The following CDH8 variants were observed in gnomAD, a reference collection of about 807,000 sequenced individuals.
CDH8 encodes the protein cadherin 8.
In CDH8, 17 loss-of-function variants were observed where a neutral mutation model predicts 68.1. The observed-to-expected ratio is 0.25, with a 90% CI of 0.17 to 0.37. The LOEUF (loss-of-function observed/expected upper bound fraction) is 0.37. Ranked by LOEUF, CDH8 falls within the 10% of genes least tolerant of loss-of-function variation. The probability of loss-of-function intolerance (pLI) is 1.00; values close to 1 mark genes in which losing one functional copy is unlikely to be tolerated. For synonymous variants in CDH8, 372 were observed against 365.1 expected (o/e 1.02, Z -0.21); for missense variants, 763 against 999.3 (o/e 0.76, Z 3.19).
chr16:61,910,430 T>C (rs985902068), intron 2 of CDH8, among the ~76,000 whole-genome samples: 1 of 151,980 alleles, frequency 6.6e-6, no homozygotes, highest in African/African-American at 2.4e-5. Context: ...TTAAATCTTA[T>C]GGGCTTGGAA....
At chr16:61,890,504 A>T (rs966047922) in intron 3 of CDH8, among the ~76,000 whole-genome samples, 6 of 152,164 alleles carry the variant, frequency 3.9e-5, no homozygotes, top group Non-Finnish European at 8.8e-5. Context: ...GATGCCTATG[A>T]CTAAGAGATA....
At chr16:61,931,702 A>C (rs1198867902) in intron 2 of CDH8, among the ~76,000 whole-genome samples, 1 of 152,234 alleles carries the variant, frequency 6.6e-6, no homozygotes, top group Admixed American at 6.5e-5. Flanking sequence ...AATGTTACAT[A>C]AAAGTAACAT....
intron 2 of CDH8, among the ~76,000 whole-genome samples, chr16:62,016,936 C>T (rs1348131303): frequency 2.6e-5 from 4 of 152,086 alleles, no homozygotes; most frequent in Non-Finnish European, 4.4e-5. Context: ...TTTCTTCATG[C>T]CCACTACCTC....
At chr16:61,803,636 T>C (rs1374709169) in intron 7 of CDH8, among the ~76,000 whole-genome samples, 1 of 150,368 alleles carries the variant, frequency 6.7e-6, no homozygotes, top group Non-Finnish European at 1.5e-5. Flanking sequence ...ACCAAGGAAA[T>C]GGAAAACAAA....
intron 3 of CDH8, among the ~76,000 whole-genome samples, chr16:61,866,581 T>C (rs1425233106): frequency 9.4e-6 from 1 of 106,144 alleles, no homozygotes; most frequent in Non-Finnish European, 2.2e-5. Flanking sequence ...TGTGTGTGTG[T>C]ATATATATAT....
At chr16:61,984,881 A>G (rs1199643501) in intron 2 of CDH8, among the ~76,000 whole-genome samples, 1 of 152,070 alleles carries the variant, frequency 6.6e-6, no homozygotes, top group African/African-American at 2.4e-5. Context: ...CATATAGATA[A>G]TTTTCCCTGA....
intron 2 of CDH8, among the ~76,000 whole-genome samples, chr16:61,941,689 C>G (rs976161591): frequency 1.3e-5 from 2 of 152,162 alleles, no homozygotes; most frequent in Non-Finnish European, 2.9e-5. Context: ...TGATCCACCC[C>G]CCTTGCCCTC....
At chr16:61,679,132 A>G (rs1475924145) in intron 10 of CDH8, among the ~76,000 whole-genome samples, 1 of 152,044 alleles carries the variant, frequency 6.6e-6, no homozygotes, top group Non-Finnish European at 1.5e-5. Context: ...CTAAAGATTT[A>G]ATAAAAGCAA....
intron 2 of CDH8, among the ~76,000 whole-genome samples, chr16:61,956,832 A>G (rs1597088935): frequency 1.3e-5 from 2 of 152,148 alleles, no homozygotes; most frequent in South Asian, 4.1e-4. Flanking sequence ...TAGGTGGTCT[A>G]GTTTGTAGGG....
intron 10 of CDH8, among the ~76,000 whole-genome samples, chr16:61,678,867 T>C (rs548281944): frequency 6.6e-6 from 1 of 152,182 alleles, no homozygotes; most frequent in East Asian, 1.9e-4. Context: ...CCACTTTTCA[T>C]AAGGAGCTGT....
rs568731134 is a variant in CDH8 at position 61,673,359 on chromosome 16, A to G, written c.1655-17638T>C. On this transcript the variant is annotated intron_variant, in intron 10 of 11. Coordinates refer to ENST00000577390, the MANE Select transcript of CDH8 (RefSeq NM_001796.5). Reference sequence around the variant, plus strand: ...TAGTGTCCTCTAGGAAATTGTATCCATGTCACTTCAGAATACATTTCATTC... The same window carrying G: ...TAGTGTCCTCTAGGAAATTGTATCCGTGTCACTTCAGAATACATTTCATTC... 1.1e-4 allele frequency among the ~76,000 whole-genome samples: 17 copies of G among 152,258 alleles called. No individual in the cohort carries two copies. In the East Asian group the frequency reaches 3.3e-3, roughly 29 times the overall value.
At chr16:61,730,908 C>G (rs1959516108) in intron 8 of CDH8, among the ~76,000 whole-genome samples, 1 of 151,444 alleles carries the variant, frequency 6.6e-6, no homozygotes, top group Non-Finnish European at 1.5e-5. Flanking sequence ...TACATGATAG[C>G]CTGAGGAACT....
chr16:61,673,273 A>G (rs1383290182), intron 10 of CDH8, among the ~76,000 whole-genome samples: 1 of 152,112 alleles, frequency 6.6e-6, no homozygotes, highest in African/African-American at 2.4e-5. Flanking sequence ...TCTTCCTCAC[A>G]GAATTCTTAC....
At chr16:61,982,369 G>A (rs1055870615) in intron 2 of CDH8, among the ~76,000 whole-genome samples, 2 of 151,970 alleles carry the variant, frequency 1.3e-5, no homozygotes, top group Non-Finnish European at 2.9e-5. Context: ...ACAGGCGCCC[G>A]CCACCTCGCC....
In CDH8 at chr16:61,652,887, G is replaced by C; in HGVS notation, c.*721C>G. The stretch of plus-strand genomic sequence containing the variant: ...GAAGAAGATGAAGAGGAGGGAACGA[G>C]GAATCCTGCTTCTAGAAAACAAGCA... On this transcript the variant is annotated 3_prime_UTR_variant, in exon 12 of 12. Coordinates refer to ENST00000577390, the MANE Select transcript of CDH8 (RefSeq NM_001796.5). The C allele has an allele frequency of 3.9e-6, 6 of 1,525,226 alleles. No homozygotes were observed. Among genetic ancestry groups the C allele is most frequent in the Non-Finnish European group, 5.3e-6 (6 of 1,141,704 alleles). The allele number at this position is 1,525,226 out of a possible 1,614,324, so 94.5% of individuals were successfully genotyped here.
intron 2 of CDH8, among the ~76,000 whole-genome samples, chr16:61,924,257 T>C (rs931581115): frequency 2.6e-5 from 4 of 152,318 alleles, no homozygotes; most frequent in Admixed American, 6.5e-5. Context: ...AAACATTTTT[T>C]GGGACTTTTG....
chr16:62,014,670 T>A (rs1490502148), intron 2 of CDH8, among the ~76,000 whole-genome samples: 1 of 152,070 alleles, frequency 6.6e-6, no homozygotes, highest in Non-Finnish European at 1.5e-5. Context: ...GATTTCCAAG[T>A]TACAGTAAAG....
chr16:61,933,567 T>C (rs12599346), intron 2 of CDH8, among the ~76,000 whole-genome samples: 23,180 of 152,094 alleles, frequency 0.15, 2,630 homozygotes, highest in East Asian at 0.3. Context: ...GTGAAATAAA[T>C]CAGACGAGGA....
chr16:61,874,363 G>A (rs536305092), intron 3 of CDH8, among the ~76,000 whole-genome samples: 6 of 151,658 alleles, frequency 4.0e-5, no homozygotes, highest in Non-Finnish European at 5.9e-5. Flanking sequence ...ATGGAGTCTC[G>A]CTCTATCACC....
Sources: gnomAD v4.1 joint callset for allele counts (sites outside exome capture counted in the v4.1 genomes callset) on GRCh38, gnomAD v4.1.1 for gene constraint, MANE v1.5 for transcripts, NCBI Gene and HGNC (gene_info 2026-07-23, HGNC 2026-07-21) for gene names.